PRKACB: variants seen among roughly 807,000 people sequenced by gnomAD.
PRKACB encodes the protein protein kinase cAMP-activated catalytic subunit beta.
A neutral mutation model predicts 51.4 loss-of-function variants in PRKACB; 16 were observed. The observed-to-expected ratio is 0.31, with a 90% CI of 0.21 to 0.47. PRKACB has a LOEUF of 0.47. PRKACB is among the 20% of genes least tolerant of loss of function. The probability of loss-of-function intolerance (pLI) is 1.00; values close to 1 mark genes in which losing one functional copy is unlikely to be tolerated. For missense variants in PRKACB, 309 were observed against 464.5 expected, an observed-to-expected ratio of 0.67 and a Z score of 3.08; for synonymous variants, 147 against 154.4, an observed-to-expected ratio of 0.95 and a Z score of 0.35.
intron 1 of PRKACB, chr1:84,178,907 G>A (rs1423328578): frequency 4.6e-6 from 1 of 218,144 alleles, no homozygotes; most frequent in Non-Finnish European, 8.9e-6. Flanking sequence ...TTACTTTCTA[G>A]TATGTTTTCA....
intron 1 of PRKACB, among the ~76,000 whole-genome samples, chr1:84,082,459 C>T (rs144507086): frequency 3.3e-5 from 5 of 152,168 alleles, no homozygotes; most frequent in Admixed American, 1.3e-4. Context: ...CCACATAAAA[C>T]TAATTTTATG....
At chr1:84,162,289 T>A (rs1656291328) in intron 1 of PRKACB, among the ~76,000 whole-genome samples, 1 of 152,054 alleles carries the variant, frequency 6.6e-6, no homozygotes, top group Non-Finnish European at 1.5e-5. Context: ...TTATTCTAGT[T>A]GGCATTGGCT....
chr1:84,150,050 C>A (rs1654639351), intron 1 of PRKACB, among the ~76,000 whole-genome samples: 1 of 151,922 alleles, frequency 6.6e-6, no homozygotes, highest in Admixed American at 6.6e-5. Context: ...AGATCCCTTG[C>A]AGTCAGGAGT....
intron 5 of PRKACB, among the ~76,000 whole-genome samples, chr1:84,188,813 T>G (rs984073032): frequency 6.6e-6 from 1 of 151,982 alleles, no homozygotes; most frequent in African/African-American, 2.4e-5. Context: ...ACATTTAATT[T>G]AGGATTTGAT....
intron 1 of PRKACB, among the ~76,000 whole-genome samples, chr1:84,093,037 T>C (rs896396084): frequency 6.6e-6 from 1 of 152,066 alleles, no homozygotes; most frequent in African/African-American, 2.4e-5. Flanking sequence ...TTTCATAGCT[T>C]GCCTTTTCAC....
chr1:84,145,419 C>T (rs1357360858), intron 1 of PRKACB, among the ~76,000 whole-genome samples: 7 of 152,090 alleles, frequency 4.6e-5, no homozygotes, highest in Admixed American at 1.3e-4. Flanking sequence ...TAGCGTTTGA[C>T]TCTTTCTGTT....
chr1:84,140,426 A>G (rs1160665781), upstream of PRKACB, among the ~76,000 whole-genome samples: 1 of 152,244 alleles, frequency 6.6e-6, no homozygotes, highest in African/African-American at 2.4e-5. Context: ...CTTATATATA[A>G]CATTCTGGAA....
intron 1 of PRKACB, among the ~76,000 whole-genome samples, chr1:84,102,057 A>T (rs1411967370): frequency 1.3e-5 from 2 of 152,120 alleles, no homozygotes; most frequent in Non-Finnish European, 2.9e-5. Context: ...ATTTAAAGTG[A>T]TGTCTCACAG....
intron 1 of PRKACB, among the ~76,000 whole-genome samples, chr1:84,166,350 T>C (rs1168792109): frequency 6.6e-6 from 1 of 151,750 alleles, no homozygotes; most frequent in African/African-American, 2.4e-5. Flanking sequence ...CTTTGAAAAT[T>C]TGGCATATAA....
Position 84,204,162 on chromosome 1 carries a change from T to G in PRKACB, c.906+1357T>G, listed in dbSNP as rs192066335. Among the ~76,000 whole-genome samples the G allele has an allele frequency of 1.9e-4, 29 of 152,116 alleles. No homozygotes were observed. In the East Asian group the frequency reaches 4.6e-3, roughly 24 times the overall value. The stretch of plus-strand genomic sequence containing the variant: ...ATTGTTCCCTATCTCATAGTACATA[T>G]GCACTCTACCTGGGTCATGAGATTT... On this transcript the variant is annotated intron_variant, in intron 8 of 9. Transcript: ENST00000370685.
chr1:84,150,723 C>G (rs1458073057), intron 1 of PRKACB, among the ~76,000 whole-genome samples: 1 of 152,138 alleles, frequency 6.6e-6, no homozygotes, highest in African/African-American at 2.4e-5. Context: ...TCATCAGAAG[C>G]AGATGTTGGC....
rs1045657719 is a variant in PRKACB at position 84,164,298 on chromosome 1, C to A, written c.188-14879C>A. The A allele has an allele frequency of 2.0e-6, 3 of 1,513,720 alleles. No homozygotes were observed. In the African/African-American group the frequency reaches 4.2e-5, roughly 21 times the overall value. 93.8% of individuals were successfully genotyped at this position (1,513,720 alleles called of 1,614,324 possible). ...AAGATTCATCGCCAATAGTCACTAG[C>A]AACAGCACACAGCATTTTAATATCA... On this transcript the variant is annotated intron_variant, in intron 1 of 9. Transcript: ENST00000370685.
At chr1:84,159,067 G>A (rs1456054314) in intron 1 of PRKACB, among the ~76,000 whole-genome samples, 1 of 152,082 alleles carries the variant, frequency 6.6e-6, no homozygotes, top group Non-Finnish European at 1.5e-5. Context: ...ATCACATAGT[G>A]TAAGTCCTCC....
rs1005702437 is a variant in PRKACB at position 84,184,037 on chromosome 1, G to A, written c.379G>A (p.Val127Ile). Residue 127 changes from valine (V) to isoleucine (I), a missense_variant and splice_region_variant, in exon 4 of 10, where the codon GTT (valine) becomes ATT (isoleucine). Around this residue, in one of 3 missense-constraint regions of PRKACB, gnomAD observed 153 missense variants for 190.2 expected, o/e 0.80. Transcript: ENST00000370685. The part of the protein sequence containing the change: ...YAMKILDKQK[V>I]VKLKQIEHTL... Reference sequence around the variant, plus strand: ...AGAGATATTTATCTCTCAATTACAGGTTGTTAAACTGAAGCAAATAGAGCA... The same window carrying A: ...AGAGATATTTATCTCTCAATTACAGATTGTTAAACTGAAGCAAATAGAGCA... 1 of 1,573,400 alleles carries A rather than the reference G, an allele frequency of 6.4e-7. No homozygotes were observed. The highest frequency in any genetic ancestry group is 1.4e-5 in the African/African-American group (1 of 72,954).
upstream of PRKACB, among the ~76,000 whole-genome samples, chr1:84,139,710 CTTAAAA>C (rs941276944): frequency 2.8e-4 from 43 of 152,176 alleles, no homozygotes; most frequent in African/African-American, 9.9e-4. Context: ...ATAAACTGAT[CTTAAAA>C]TTTATATGGA....
chr1:84,141,023 G>A (rs1007121112), upstream of PRKACB, among the ~76,000 whole-genome samples: 1 of 152,056 alleles, frequency 6.6e-6, no homozygotes, highest in South Asian at 2.1e-4. Context: ...CTTGGTAAAT[G>A]TGTCATCACT....
At chr1:84,085,894 A>G (rs1647936542) in intron 1 of PRKACB, 2 of 642,798 alleles carry the variant, frequency 3.1e-6, no homozygotes, top group Non-Finnish European at 5.7e-6. Flanking sequence ...AGCCCAGACC[A>G]TATACACCAC....
At chr1:84,191,044 AT>A (rs1420261247) in intron 5 of PRKACB, among the ~76,000 whole-genome samples, 1 of 151,984 alleles carries the variant, frequency 6.6e-6, no homozygotes, top group Non-Finnish European at 1.5e-5. Flanking sequence ...GATATGTGAG[AT>A]TTTGATCCTG....
At chr1:84,126,508 G>C (rs1030054275) in intron 1 of PRKACB, among the ~76,000 whole-genome samples, 4 of 152,102 alleles carry the variant, frequency 2.6e-5, no homozygotes, top group African/African-American at 9.7e-5. Context: ...CTGCCACTCT[G>C]CCACTCTGCT....
Sources: allele counts gnomAD v4.1 joint callset (sites outside exome capture counted in the v4.1 genomes callset), GRCh38; gene constraint gnomAD v4.1.1; regional missense constraint gnomAD v4.1.1; transcripts MANE v1.5; gene names NCBI Gene and HGNC (gene_info 2026-07-23, HGNC 2026-07-21).